The following WT1 variants were observed in gnomAD, a reference collection of about 807,000 sequenced individuals.
The protein encoded by WT1 is WT1 transcription factor.
Under a neutral mutation model 60.8 loss-of-function variants are expected in WT1, and 8 were observed. The observed-to-expected ratio is 0.13, with a 90% confidence interval of 0.08 to 0.24. WT1 has a LOEUF of 0.24. Ranked by LOEUF, WT1 falls within the 10% of genes least tolerant of loss-of-function variation. The pLI, the probability that WT1 is intolerant of heterozygous loss-of-function variation, is 1.00. For missense variants in WT1, 568 were observed against 711.8 expected (o/e 0.80, Z 2.30); for synonymous variants, 312 against 297.1 (o/e 1.05, Z -0.52).
At chr11:32,428,192 G>C in intron 2 of WT1, 134 bp from the exon 3 acceptor site, 3 of 924,358 alleles carry the variant, frequency 3.2e-6, no homozygotes, top group Non-Finnish European at 4.9e-6. Context: ...CGTGCAGAGC[G>C]AGGCCGTCCA....
intron 3 of WT1, among the ~76,000 whole-genome samples, chr11:32,419,064 A>G (rs1317065405): frequency 2.0e-5 from 3 of 152,208 alleles, no homozygotes; most frequent in African/African-American, 7.2e-5. Context: ...CAATGAAAAA[A>G]AATGATGAGT....
chr11:32,406,725 G>A (rs893505226), intron 5 of WT1, among the ~76,000 whole-genome samples: 1 of 152,168 alleles, frequency 6.6e-6, no homozygotes, highest in East Asian at 1.9e-4. Context: ...CAGTGGCCTG[G>A]ACTGTACATT....
At position 32,397,067 on chromosome 11, in the gene WT1, C is replaced by T. The variant is rs113521094; in HGVS notation, c.1114-660G>A. Among the ~76,000 whole-genome samples, 857 of 152,360 alleles carry T rather than the reference C, an allele frequency of 5.6e-3. 11 individuals are homozygous for T. The highest frequency in any genetic ancestry group is 8.4e-3 in the Non-Finnish European group (571 of 68,032). ...CCATCTGCCTTCTGTGCTCTGCACA[C>T]GTCCTTTGCAGGGCATCTGTTGCTC... On this transcript the variant is annotated intron_variant, in intron 6 of 9. Coordinates refer to ENST00000452863, the MANE Select transcript of WT1 (RefSeq NM_024426.6).
In WT1 at chr11:32,435,320, A is replaced by G; in HGVS notation, c.41T>C (p.Val14Ala). Residue 14 changes from valine (V) to alanine (A), a missense_variant, in exon 1 of 10, where the codon GTC (valine) becomes GCC (alanine). Physicochemically the swap from Val to Ala is moderately conservative, Grantham distance 64. Around this residue, in one of 3 missense-constraint regions of WT1, gnomAD observed 523 missense variants for 565.1 expected, o/e 0.93. Coordinates refer to ENST00000452863, the MANE Select transcript of WT1 (RefSeq NM_024426.6). ...CGTGTGCTGAGACGCCGGCTCCGGG[A>G]CACACGTGGAAGCCGGGTCCTGCAG... 6.5e-7 allele frequency: 1 copy of G among 1,532,408 alleles called. No individual in the cohort carries two copies. Among genetic ancestry groups the G allele is most frequent in the South Asian group, 1.2e-5 (1 of 83,924 alleles). 94.9% of individuals were successfully genotyped at this position (1,532,408 alleles called of 1,614,324 possible). A position where few individuals can be genotyped will look rare whatever the true frequency, so the allele number is the denominator to read the frequency against.
At chr11:32,423,209 C>T (rs1852911869) in intron 3 of WT1, among the ~76,000 whole-genome samples, 1 of 152,224 alleles carries the variant, frequency 6.6e-6, no homozygotes, top group African/African-American at 2.4e-5. Context: ...CTGGGCAAGC[C>T]CAAACCAGGG....
intron 1 of WT1, 194 bp from the exon 2 acceptor site, chr11:32,428,813 G>T: frequency 1.3e-6 from 1 of 791,730 alleles, no homozygotes; most frequent in Non-Finnish European, 2.1e-6. Flanking sequence ...TGTGACCTTG[G>T]GACAGGCTTC....
At position 32,435,179 on chromosome 11, in the gene WT1, C is replaced by T. The variant is rs1305856872; in HGVS notation, c.182G>A (p.Arg61Gln). 2.6e-6 allele frequency: 4 copies of T among 1,522,428 alleles called. No individual in the cohort carries two copies. Among genetic ancestry groups the T allele is most frequent in the Non-Finnish European group, 3.5e-6 (4 of 1,140,582 alleles). 94.3% of individuals were successfully genotyped at this position (1,522,428 alleles called of 1,614,324 possible). A position where few individuals can be genotyped will look rare whatever the true frequency, so the allele number is the denominator to read the frequency against. ...AGACCCGGACGCCCCGCGGCTCCTC[C>T]GGCCCTGGAGACGTTCAGCGCTGGC... is the stretch of plus-strand genomic sequence containing the variant. Residue 61 changes from arginine (R) to glutamine (Q), a missense_variant, in exon 1 of 10, where the codon CGG (arginine) becomes CAG (glutamine). Coordinates refer to ENST00000452863, the MANE Select transcript of WT1 (RefSeq NM_024426.6).
At chr11:32,392,207 C>T (rs963592872) in intron 8 of WT1, 143 bp from the exon 9 acceptor site, 1 of 768,082 alleles carries the variant, frequency 1.3e-6, no homozygotes, top group Non-Finnish European at 2.3e-6. Flanking sequence ...TTAGATTTCC[C>T]CAGTCCCCCA....
chr11:32,421,775 G>C (rs539076573), intron 3 of WT1, among the ~76,000 whole-genome samples: 31 of 152,256 alleles, frequency 2.0e-4, no homozygotes, highest in South Asian at 4.1e-4. Context: ...CTCTTCAAAC[G>C]CATGTGTGAT....
In WT1 at chr11:32,410,258, A is replaced by G. The variant is rs1181886533; in HGVS notation, c.1016+6232T>C. 2.0e-5 allele frequency among the ~76,000 whole-genome samples: 3 copies of G among 152,114 alleles called. No individual in the cohort carries two copies. In the East Asian group the frequency reaches 5.8e-4, roughly 29 times the overall value. On this transcript the variant is annotated intron_variant, in intron 5 of 9. Coordinates refer to ENST00000452863, the MANE Select transcript of WT1 (RefSeq NM_024426.6). The stretch of plus-strand genomic sequence containing the variant: ...TTTTTTCCTCCTCTTGATCATTCTC[A>G]TCAGCAAACAAACATACAGATACTT...
At chr11:32,404,316 T>C (rs571710593) in intron 5 of WT1, among the ~76,000 whole-genome samples, 2 of 151,586 alleles carry the variant, frequency 1.3e-5, no homozygotes, top group South Asian at 2.1e-4. Context: ...CATGTTTTTC[T>C]GTTTTGTTTC....
chr11:32,434,893 C>G lies in WT1; in HGVS notation c.468G>C (p.Pro156=). ...AGGCGCTCAGGCACTGCTCCTCGTG[C>G]GGCTCCGCGCCGCCCCAGCTCGGCT... Residue 156 remains proline, a synonymous_variant, in exon 1 of 10, where the codon CCG becomes CCC. Coordinates refer to ENST00000452863, the MANE Select transcript of WT1 (RefSeq NM_024426.6). The G allele has an allele frequency of 6.2e-7, 1 of 1,611,694 alleles. No individual in the cohort carries two copies. Among genetic ancestry groups the G allele is most frequent in the Non-Finnish European group, 8.5e-7 (1 of 1,179,638 alleles).
Position 32,396,415 on chromosome 11 carries a change from C to T in WT1, c.1114-8G>A. ...AGGCACACGTCGCACATCCTGCAGGCAGAGAGTAAGAGGAAGGGAGGCTTT... is the reference window on the plus strand; with the variant it reads ...AGGCACACGTCGCACATCCTGCAGGTAGAGAGTAAGAGGAAGGGAGGCTTT... On this transcript the variant is annotated splice_region_variant and splice_polypyrimidine_tract_variant and intron_variant, in intron 6 of 9. Coordinates refer to ENST00000452863, the MANE Select transcript of WT1 (RefSeq NM_024426.6). 1 of 1,613,430 alleles carries T rather than the reference C, an allele frequency of 6.2e-7. No homozygotes were observed. Among genetic ancestry groups the T allele is most frequent in the Non-Finnish European group, 8.5e-7 (1 of 1,180,016 alleles).
intron 1 of WT1, 150 bp from the exon 2 acceptor site, chr11:32,428,769 G>A: frequency 7.4e-7 from 1 of 1,350,352 alleles, no homozygotes; most frequent in Non-Finnish European, 1.0e-6. Context: ...AAGCCTCCAG[G>A]ACTTTCGGCA....
chr11:32,420,861 T>C (rs1852832046), intron 3 of WT1, among the ~76,000 whole-genome samples: 1 of 152,144 alleles, frequency 6.6e-6, no homozygotes, highest in Non-Finnish European at 1.5e-5. Context: ...CCTTTGCCAT[T>C]CTAGCTGTCC....
intron 5 of WT1, among the ~76,000 whole-genome samples, chr11:32,403,825 G>C (rs997456962): frequency 2.0e-5 from 3 of 151,750 alleles, no homozygotes; most frequent in Non-Finnish European, 2.9e-5. Flanking sequence ...CTCCCGCCTC[G>C]GCTCCCATTG....
chr11:32,430,440 G>C (rs1590400400), intron 1 of WT1: 1 of 1,367,752 alleles, frequency 7.3e-7, no homozygotes, highest in Non-Finnish European at 9.9e-7. Flanking sequence ...CACAGAGAGA[G>C]AGAGAGAGAG....
chr11:32,420,957 C>A (rs1377558750), intron 3 of WT1, among the ~76,000 whole-genome samples: 1 of 152,178 alleles, frequency 6.6e-6, no homozygotes, highest in Non-Finnish European at 1.5e-5. Flanking sequence ...AATCCCCAAG[C>A]TACTAATAGG....
chr11:32,409,077 A>G (rs548806541), intron 5 of WT1, among the ~76,000 whole-genome samples: 1 of 152,214 alleles, frequency 6.6e-6, no homozygotes, highest in Non-Finnish European at 1.5e-5. Context: ...ATATGCACTT[A>G]TCAGATCTTA....
Sources: gnomAD v4.1 joint callset for allele counts (sites outside exome capture counted in the v4.1 genomes callset) on GRCh38, gnomAD v4.1.1 for gene constraint, gnomAD v4.1.1 regional missense constraint, MANE v1.5 for transcripts, NCBI Gene and HGNC (gene_info 2026-07-23, HGNC 2026-07-21) for gene names.